The following CD300A variants were observed in gnomAD, a reference collection of about 807,000 sequenced individuals.
The protein encoded by CD300A is CMRF35-like molecule 8.
CD300A carries 22 observed loss-of-function variants against 33.6 expected under a neutral mutation model. The observed-to-expected ratio is 0.66, with a 90% CI of 0.47 to 0.94. The LOEUF (loss-of-function observed/expected upper bound fraction) is 0.94. CD300A is among the 40% of genes least tolerant of loss of function. CD300A has a pLI of 0.00. For synonymous variants in CD300A, 136 were observed against 148.1 expected, an observed-to-expected ratio of 0.92 and a Z score of 0.59; for missense variants, 326 against 360.5, an observed-to-expected ratio of 0.90 and a Z score of 0.77.
At chr17:74,467,510 C>CT (rs936968321) in intron 1 of CD300A, among the ~76,000 whole-genome samples, 14 of 152,152 alleles carry the variant, frequency 9.2e-5, no homozygotes, top group African/African-American at 3.4e-4. Flanking sequence ...GGAGTTGAGT[C>CT]TTCCCTGTCC....
intron 3 of CD300A, 99 bp downstream of exon 3, chr17:74,474,784 T>C: frequency 7.8e-7 from 1 of 1,283,514 alleles, no homozygotes; most frequent in East Asian, 2.6e-5. Context: ...GAGGTGTGCA[T>C]CGCTCCCTTT....
At chr17:74,466,560 G>T (rs1905717842), upstream of CD300A, 1 of 949,776 alleles carries the variant, frequency 1.1e-6, no homozygotes, top group Admixed American at 2.5e-5. Flanking sequence ...ACCGGCTCCA[G>T]GAATAGAACC....
At chr17:74,470,944 A>G (rs1906059698) in intron 1 of CD300A, among the ~76,000 whole-genome samples, 1 of 150,562 alleles carries the variant, frequency 6.6e-6, no homozygotes, top group Non-Finnish European at 1.5e-5. Context: ...GAGCCACTGC[A>G]CCTGGCCTAT....
chr17:74,483,574 C>T (rs1453524487), intron 6 of CD300A, among the ~76,000 whole-genome samples: 1 of 152,162 alleles, frequency 6.6e-6, no homozygotes, highest in East Asian at 1.9e-4. Context: ...CCAGGCTGGT[C>T]TCAAACTCCT....
upstream of CD300A, chr17:74,466,391 T>C (rs1905708004): frequency 9.1e-6 from 3 of 329,240 alleles, no homozygotes; most frequent in East Asian, 1.6e-4. Context: ...CCCGGGGAAG[T>C]GAGAGTCGGG....
chr17:74,467,521 A>C (rs562965312), intron 1 of CD300A, among the ~76,000 whole-genome samples: 2 of 152,262 alleles, frequency 1.3e-5, no homozygotes, highest in Non-Finnish European at 2.9e-5. Flanking sequence ...TTCCCTGTCC[A>C]AGCGCAGGGA....
At chr17:74,483,637 G>A (rs887055920) in intron 6 of CD300A, among the ~76,000 whole-genome samples, 24 of 152,296 alleles carry the variant, frequency 1.6e-4, no homozygotes, top group Admixed American at 1.3e-3. Flanking sequence ...GATTAAGGGC[G>A]TGAGCCACTG....
intron 2 of CD300A, 124 bp downstream of exon 2, chr17:74,473,998 G>A (rs568948769): frequency 1.8e-6 from 2 of 1,127,206 alleles, no homozygotes; most frequent in East Asian, 5.1e-5. Context: ...GAGAGGTGGG[G>A]GCCAGGGGAA....
chr17:74,471,763 G>T (rs938615592), intron 1 of CD300A, among the ~76,000 whole-genome samples: 2 of 152,128 alleles, frequency 1.3e-5, no homozygotes, highest in African/African-American at 4.8e-5. Flanking sequence ...AGGCACAGAG[G>T]AGCTTATCTT....
In CD300A at chr17:74,474,671, G is replaced by T. The variant is rs766450811; in HGVS notation, c.519G>T (p.Glu173Asp). Residue 173 changes from glutamate to aspartate, a missense_variant, in exon 3 of 7, where the codon GAG becomes GAT. By Grantham distance (45) the Glu-to-Asp change is conservative. Coordinates refer to ENST00000360141, the MANE Select transcript of CD300A (RefSeq NM_007261.4). The stretch of plus-strand genomic sequence containing the variant: ...CCAGCATCCAGGAGGAAACTGAGGA[G>T]GTGGTGAACTCACAGTAAGCACCCT... ...HSASIQEETE[E>D]VVNSQLPLLL... 1.2e-5 allele frequency: 19 copies of T among 1,614,052 alleles called. No individual in the cohort carries two copies. The highest frequency in any genetic ancestry group is 1.6e-5 in the Non-Finnish European group (19 of 1,180,002).
At chr17:74,477,858 C>T (rs1906581257) in intron 4 of CD300A, among the ~76,000 whole-genome samples, 1 of 152,230 alleles carries the variant, frequency 6.6e-6, no homozygotes, top group East Asian at 1.9e-4. Flanking sequence ...GTTCCAGCTA[C>T]TCAGGAGGCT....
rs548385737 is a variant in CD300A at position 74,470,422 on chromosome 17, A to G, written c.41-3114A>G. ...AAGAGAGAGAGCTAGAGGGAGAGAG[A>G]GAGAGGGAGAAAGAAACTAAATCCG... On this transcript the variant is annotated intron_variant, in intron 1 of 6. Coordinates refer to ENST00000360141, the MANE Select transcript of CD300A (RefSeq NM_007261.4). 2.4e-3 allele frequency among the ~76,000 whole-genome samples: 362 copies of G among 152,198 alleles called. 1 individual carries two copies. Among genetic ancestry groups the G allele is most frequent in the Middle Eastern group, 0.01 (3 of 294 alleles).
chr17:74,474,474 G>T, intron 2 of CD300A, 58 bp from the exon 3 acceptor site: 1 of 1,578,938 alleles, frequency 6.3e-7, no homozygotes, highest in East Asian at 2.2e-5. Context: ...AAGGCATCCT[G>T]AGTGGTGGGA....
At chr17:74,476,166 C>G (rs1906449778) in intron 3 of CD300A, among the ~76,000 whole-genome samples, 1 of 152,176 alleles carries the variant, frequency 6.6e-6, no homozygotes, top group Non-Finnish European at 1.5e-5. Context: ...TGGGCTGGCT[C>G]AGGGCTCCAA....
At position 74,474,522 on chromosome 17, in the gene CD300A, T is replaced by G; in HGVS notation, c.380-10T>G. The G allele has an allele frequency of 6.2e-7, 1 of 1,613,706 alleles. No individual in the cohort carries two copies. Among genetic ancestry groups the G allele is most frequent in the South Asian group, 1.1e-5 (1 of 91,036 alleles). On this transcript the variant is annotated splice_polypyrimidine_tract_variant and intron_variant, in intron 2 of 6. Transcript: ENST00000360141. ...AGCTCCCTGGGTCTGACTTGTGGTT[T>G]TGCCACCAGCATCAACGTCAATGAC...
In CD300A at chr17:74,484,061, A is replaced by G. The variant is rs377143510; in HGVS notation, c.835A>G (p.Ile279Val). ...SVVFDSNTNR[I>V]AAQRPREEEP... Reference sequence around the variant, plus strand: ...GGTGTTTGATTCTAACACCAACAGGATAGCTGCTCAGAGGCCTCGGGAGGA... The same window carrying G: ...GGTGTTTGATTCTAACACCAACAGGGTAGCTGCTCAGAGGCCTCGGGAGGA... Residue 279 changes from isoleucine (I) to valine (V), a missense_variant, in exon 7 of 7, where the codon ATA becomes GTA. Physicochemically the swap from Ile to Val is conservative, Grantham distance 29 (BLOSUM62 3). Transcript: ENST00000360141. 2 of 1,614,040 alleles carry G rather than the reference A, an allele frequency of 1.2e-6. No homozygotes were observed. Among genetic ancestry groups the G allele is most frequent in the Non-Finnish European group, 1.7e-6 (2 of 1,179,944 alleles).
At chr17:74,482,273 G>C (rs1424397343) in intron 6 of CD300A, among the ~76,000 whole-genome samples, 1 of 151,928 alleles carries the variant, frequency 6.6e-6, no homozygotes, top group Non-Finnish European at 1.5e-5. Context: ...TCCCTGGGTC[G>C]TGACCCACCT....
intron 5 of CD300A, 182 bp from the exon 6 acceptor site, chr17:74,481,544 C>T (rs2144538797): frequency 1.5e-6 from 1 of 652,726 alleles, no homozygotes; most frequent in East Asian, 2.7e-5. Context: ...TGAAGGGAGG[C>T]CCTCCCAGCC....
chr17:74,481,365 G>A, intron 5 of CD300A, 39 bp downstream of exon 5: 1 of 1,601,954 alleles, frequency 6.2e-7, no homozygotes, highest in Non-Finnish European at 8.6e-7. Context: ...AGGTGGCTGG[G>A]CGGAGGGTAC....
Sources: allele counts gnomAD v4.1 joint callset (sites outside exome capture counted in the v4.1 genomes callset), GRCh38; gene constraint gnomAD v4.1.1; transcripts MANE v1.5; gene names NCBI Gene and HGNC (gene_info 2026-07-23, HGNC 2026-07-21).